The following PPP3CA variants were observed in gnomAD, a reference collection of about 807,000 sequenced individuals.
PPP3CA encodes the protein protein phosphatase 3 catalytic subunit alpha, also known as CAM-PRP catalytic subunit.
Under a neutral mutation model 66.5 loss-of-function variants are expected in PPP3CA, and 14 were observed. The ratio of observed to expected loss-of-function variants is 0.21; its 90% CI spans 0.14 to 0.33. The LOEUF (loss-of-function observed/expected upper bound fraction) is 0.33, where lower values mean the gene tolerates loss of function less well. Ranked by LOEUF, PPP3CA falls within the 10% of genes least tolerant of loss-of-function variation. The pLI, the probability that PPP3CA is intolerant of heterozygous loss-of-function variation, is 1.00. For synonymous variants in PPP3CA, 232 were observed against 226.2 expected, an observed-to-expected ratio of 1.03 and a Z score of -0.23; for missense variants, 317 against 639.5, an observed-to-expected ratio of 0.50 and a Z score of 5.44.
rs761884894 is a variant in PPP3CA at position 101,323,107 on chromosome 4, T to C, written c.58+23632A>G. On this transcript the variant is annotated intron_variant, in intron 1 of 13. Coordinates refer to ENST00000394854, the MANE Select transcript of PPP3CA (RefSeq NM_000944.5). ...GGGAAATAAATGCACTGGGCTAACA[T>C]GTAGTCTTTAGGGTCCCTTGAAGGG... 5.3e-5 allele frequency among the ~76,000 whole-genome samples: 8 copies of C among 152,192 alleles called. 1 individual carries two copies. Among genetic ancestry groups the C allele is most frequent in the Admixed American group, 2.6e-4 (4 of 15,276 alleles).
intron 2 of PPP3CA, among the ~76,000 whole-genome samples, chr4:101,139,081 A>G (rs980014794): frequency 6.6e-6 from 1 of 152,104 alleles, no homozygotes; most frequent in Non-Finnish European, 1.5e-5. Context: ...ATGGTGGCTC[A>G]CTCCTGTAAT....
intron 1 of PPP3CA, among the ~76,000 whole-genome samples, chr4:101,255,857 GTTAA>G (rs1726823920): frequency 2.6e-5 from 4 of 151,884 alleles, no homozygotes; most frequent in Non-Finnish European, 4.4e-5. Context: ...TTGGTTCTGT[GTTAA>G]TGTTATTTTT....
intron 1 of PPP3CA, among the ~76,000 whole-genome samples, chr4:101,241,931 T>C (rs1726323679): frequency 6.6e-6 from 1 of 152,114 alleles, no homozygotes; most frequent in Admixed American, 6.5e-5. Flanking sequence ...TAAAATCAAT[T>C]CAGGATTGTT....
At chr4:101,332,945 C>T (rs1438392887) in intron 1 of PPP3CA, among the ~76,000 whole-genome samples, 1 of 152,070 alleles carries the variant, frequency 6.6e-6, no homozygotes, top group Non-Finnish European at 1.5e-5. Flanking sequence ...GGCTTGTTAA[C>T]CATCTAACAG....
At chr4:101,256,655 T>TAGAC (rs1726853164) in intron 1 of PPP3CA, among the ~76,000 whole-genome samples, 1 of 151,970 alleles carries the variant, frequency 6.6e-6, no homozygotes, top group Non-Finnish European at 1.5e-5. Flanking sequence ...ATTGCAGAGT[T>TAGAC]TTAATGATGG....
intron 2 of PPP3CA, among the ~76,000 whole-genome samples, chr4:101,139,696 G>GTTTTTT (rs372257350): frequency 1.1e-3 from 107 of 98,308 alleles, no homozygotes; most frequent in Middle Eastern, 6.3e-3. Flanking sequence ...TTTTTTTTGT[G>GTTTTTT]TTTTTTTTTT....
chr4:101,307,780 TGC>T (rs985471941), intron 1 of PPP3CA, among the ~76,000 whole-genome samples: 2 of 152,218 alleles, frequency 1.3e-5, no homozygotes, highest in Non-Finnish European at 2.9e-5. Context: ...CCATACTGAA[TGC>T]TTTAACACAA....
intron 2 of PPP3CA, among the ~76,000 whole-genome samples, chr4:101,187,523 T>G (rs1724451285): frequency 6.6e-6 from 1 of 152,284 alleles, no homozygotes; most frequent in East Asian, 1.9e-4. Context: ...CTTTGATATA[T>G]ATTTAATAAA....
intron 2 of PPP3CA, among the ~76,000 whole-genome samples, chr4:101,129,059 T>G (rs574664275): frequency 6.6e-6 from 1 of 152,172 alleles, no homozygotes; most frequent in Admixed American, 6.6e-5. Context: ...GAGCTTGGTG[T>G]GGTGAGGGAC....
chr4:101,032,453 G>A (rs777215472), intron 11 of PPP3CA, 89 bp from the exon 12 acceptor site: 41 of 1,050,324 alleles, frequency 3.9e-5, no homozygotes, highest in Non-Finnish European at 5.2e-5. Context: ...ATGCATATAA[G>A]CACCCACATT....
intron 1 of PPP3CA, among the ~76,000 whole-genome samples, chr4:101,225,925 G>C (rs1269453768): frequency 6.6e-6 from 1 of 151,722 alleles, no homozygotes; most frequent in Non-Finnish European, 1.5e-5. Context: ...TCAGTGTGGG[G>C]AGTAAGAAAC....
Position 101,039,704 on chromosome 4 carries a change from C to T in PPP3CA, c.1241+778G>A, listed in dbSNP as rs1010529844. 8.3e-5 allele frequency among the ~76,000 whole-genome samples: 12 copies of T among 143,750 alleles called. 1 individual carries two copies. The highest frequency in any genetic ancestry group is 2.8e-4 in the African/African-American group (11 of 39,440). The allele number at this position is 143,750 out of a possible 152,430, so 94.3% of individuals were successfully genotyped here. A position where few individuals can be genotyped will look rare whatever the true frequency, so the allele number is the denominator to read the frequency against. On this transcript the variant is annotated intron_variant, in intron 11 of 13. Coordinates refer to ENST00000394854, the MANE Select transcript of PPP3CA (RefSeq NM_000944.5). ...GAGGAGAAATCAAAAGAGCCAGTGT[C>T]GATACTCTATGAGAAAGAGTTGGGG...
intron 8 of PPP3CA, among the ~76,000 whole-genome samples, chr4:101,070,285 AAG>A (rs1281442165): frequency 6.6e-6 from 1 of 152,174 alleles, no homozygotes. Flanking sequence ...AAGAGGGAAA[AAG>A]AGAGGAAAGA....
intron 8 of PPP3CA, among the ~76,000 whole-genome samples, chr4:101,076,630 A>G (rs1578424170): frequency 6.6e-6 from 1 of 152,190 alleles, no homozygotes; most frequent in African/African-American, 2.4e-5. Context: ...TGCAGGTGAA[A>G]AAGTGGAGAA....
chr4:101,158,589 AC>A (rs1172873418), intron 2 of PPP3CA, among the ~76,000 whole-genome samples: 5 of 152,160 alleles, frequency 3.3e-5, no homozygotes, highest in African/African-American at 1.2e-4. Flanking sequence ...AGTAGTTAAA[AC>A]TAGGTGCCAC....
At chr4:101,329,822 A>AT (rs1729323637) in intron 1 of PPP3CA, among the ~76,000 whole-genome samples, 3 of 152,000 alleles carry the variant, frequency 2.0e-5, no homozygotes, top group Non-Finnish European at 1.5e-5. Flanking sequence ...TTTGCTGAAT[A>AT]TTTTAAGCTC....
intron 10 of PPP3CA, 61 bp downstream of exon 10, chr4:101,061,026 C>CA (rs1728438583): frequency 5.3e-6 from 7 of 1,316,170 alleles, no homozygotes; most frequent in Non-Finnish European, 7.7e-6. Context: ...TTAGATTTAG[C>CA]AATGAGACTC....
intron 2 of PPP3CA, among the ~76,000 whole-genome samples, chr4:101,135,086 G>A (rs1722573733): frequency 6.6e-6 from 1 of 152,096 alleles, no homozygotes; most frequent in South Asian, 2.1e-4. Context: ...GGGGCCTAGG[G>A]GAGGGATAGC....
chr4:101,259,726 C>CAA (rs2110254261), intron 1 of PPP3CA, among the ~76,000 whole-genome samples: 1 of 152,198 alleles, frequency 6.6e-6, no homozygotes, highest in East Asian at 1.9e-4. Context: ...AAAATACACA[C>CAA]ACACACCATC....
Sources: allele counts gnomAD v4.1 joint callset (sites outside exome capture counted in the v4.1 genomes callset), GRCh38; gene constraint gnomAD v4.1.1; transcripts MANE v1.5; gene names NCBI Gene and HGNC (gene_info 2026-07-23, HGNC 2026-07-21).